The following SLC1A6 variants were observed in gnomAD, a reference collection of about 807,000 sequenced individuals.
The protein encoded by SLC1A6 is solute carrier family 1 member 6, also known as excitatory amino acid transporter 4.
Under a neutral mutation model 42.1 loss-of-function variants are expected in SLC1A6, and 15 were observed. The observed-to-expected ratio is 0.36, with a 90% CI of 0.24 to 0.55. SLC1A6 has a LOEUF of 0.55. Ranked by LOEUF, SLC1A6 falls within the 20% of genes least tolerant of loss-of-function variation. SLC1A6 has a pLI of 0.88. For synonymous variants in SLC1A6, 317 were observed against 319.7 expected, an observed-to-expected ratio of 0.99 and a Z score of 0.09; for missense variants, 542 against 772.5, an observed-to-expected ratio of 0.70 and a Z score of 3.54.
At chr19:14,999,089 A>G (rs2045861204) in intron 1 of SLC1A6, among the ~76,000 whole-genome samples, 1 of 151,990 alleles carries the variant, frequency 6.6e-6, no homozygotes, top group African/African-American at 2.4e-5. Context: ...CGTGTTAGCC[A>G]TGATGGTCTC....
rs577499432 is a variant in SLC1A6, at chr19:14,985,473, C to T, written c.7-12556G>A. ...TGTTTAAAAGAGCCTGACACCTCCT[C>T]CCTCTCTCTTTCTTGCTGTCTCTCA... On this transcript the variant is annotated intron_variant, in intron 1 of 8. Transcript: ENST00000430939. 2.0e-5 allele frequency among the ~76,000 whole-genome samples: 3 copies of T among 152,258 alleles called. No homozygotes were observed. The East Asian group carries it at 5.8e-4, about 29-fold the overall frequency.
At chr19:14,975,102 A>G (rs1441067436) in intron 1 of SLC1A6, 1 of 152,144 alleles carries the variant, frequency 6.6e-6, no homozygotes, top group Non-Finnish European at 1.5e-5. Context: ...AAAGAGATGA[A>G]AACATCAGGG....
At position 14,962,012 on chromosome 19, in the gene SLC1A6, TGCCCACCA is replaced by T; in HGVS notation, c.917_924del (p.Leu306HisfsTer134). On this transcript the variant is annotated frameshift_variant, in exon 6 of 10. Coordinates refer to ENST00000594383, the MANE Select transcript of SLC1A6 (RefSeq NM_005071.3). LOFTEE classifies it high-confidence loss of function. ...CAGACCAGGACTCACCAGATAATGA[TGCCCACCA>T]GCCTCATAATAGCCTCATTGAGGCT... 6.2e-7 allele frequency: 1 copy of T among 1,613,194 alleles called. No homozygotes were observed. The highest frequency in any genetic ancestry group is 8.5e-7 in the Non-Finnish European group (1 of 1,179,450).
intron 4 of SLC1A6, among the ~76,000 whole-genome samples, chr19:14,964,941 A>G (rs2045556665): frequency 6.6e-6 from 1 of 152,024 alleles, no homozygotes; most frequent in Non-Finnish European, 1.5e-5. Context: ...GTTGGCATTG[A>G]TGTGGGGGAA....
chr19:14,958,285 C>A (rs879327871), intron 6 of SLC1A6, among the ~76,000 whole-genome samples: 3 of 151,976 alleles, frequency 2.0e-5, no homozygotes, highest in Non-Finnish European at 4.4e-5. Context: ...GTAGTGCACA[C>A]CTGTAGTCCC....
chr19:14,968,284 G>A lies in SLC1A6; in HGVS notation c.548+19C>T, dbSNP rs1364275513. 6.3e-7 allele frequency: 1 copy of A among 1,587,344 alleles called. No individual in the cohort carries two copies. The highest frequency in any genetic ancestry group is 1.3e-5 in the African/African-American group (1 of 74,478). On this transcript the variant is annotated intron_variant, in intron 4 of 9. Coordinates refer to ENST00000594383, the MANE Select transcript of SLC1A6 (RefSeq NM_005071.3). ...TCCTTTTTCAAATGTGTATATTGTG[G>A]TTTTTTAGGTTGGCACACCTGATCA...
chr19:14,964,428 A>G, intron 4 of SLC1A6, 67 bp from the exon 5 acceptor site: 2 of 1,271,856 alleles, frequency 1.6e-6, no homozygotes. Context: ...TGATAACAGT[A>G]ATACTAACAC....
chr19:14,952,730 CCTACTT>C (rs2045424845), intron 9 of SLC1A6, among the ~76,000 whole-genome samples, 192 bp downstream of exon 9: 1 of 152,034 alleles, frequency 6.6e-6, no homozygotes, highest in Non-Finnish European at 1.5e-5. Context: ...TGTCTCCAAC[CCTACTT>C]CCCAAAGATA....
intron 9 of SLC1A6, 127 bp from the exon 10 acceptor site, chr19:14,950,517 C>T (rs1019873480): frequency 5.4e-6 from 3 of 554,584 alleles, no homozygotes; most frequent in African/African-American, 3.9e-5. Context: ...AATCCATGAC[C>T]ACATGTCCCC....
chr19:15,007,207 A>C (rs1255123005), intron 1 of SLC1A6, among the ~76,000 whole-genome samples: 1 of 152,216 alleles, frequency 6.6e-6, no homozygotes, highest in East Asian at 1.9e-4. Flanking sequence ...TTCAGCCATG[A>C]AAAGGACAGA....
chr19:14,952,273 CAAA>C (rs71168528), intron 9 of SLC1A6, among the ~76,000 whole-genome samples: 89 of 145,660 alleles, frequency 6.1e-4, no homozygotes, highest in Admixed American at 6.8e-4. Flanking sequence ...AACATAATCT[CAAA>C]AAAAAAAAAA....
Position 14,955,622 on chromosome 19 carries a change from C to T in SLC1A6, c.1169+854G>A, listed in dbSNP as rs541989692. Among the ~76,000 whole-genome samples, 8 of 141,998 alleles carry T rather than the reference C, an allele frequency of 5.6e-5. No homozygotes were observed. The South Asian group carries it at 8.7e-4, about 16-fold the overall frequency. 93.2% of individuals were successfully genotyped at this position (141,998 alleles called of 152,430 possible). A position where few individuals can be genotyped will look rare whatever the true frequency, so the allele number is the denominator to read the frequency against. ...TGATAGAGTGAGGCCTCATGTCAAA[C>T]GAAAAAGAAAAAGAAAAAAAAGATA... is the stretch of plus-strand genomic sequence containing the variant. On this transcript the variant is annotated intron_variant, in intron 7 of 9. Transcript: ENST00000594383.
rs532596985 is a variant in SLC1A6, at chr19:14,960,593, G to A, written c.935+1409C>T. ...TGAATAGTAACTAACCAATGCATAG[G>A]AGATGAATAAATCCCTGTCACTTGT... On this transcript the variant is annotated intron_variant, in intron 6 of 9. Transcript: ENST00000594383. 1.2e-4 allele frequency among the ~76,000 whole-genome samples: 19 copies of A among 152,340 alleles called. No individual in the cohort carries two copies. The South Asian group carries it at 1.9e-3, about 15-fold the overall frequency.
chr19:14,994,607 A>G (rs1032835133), intron 1 of SLC1A6, among the ~76,000 whole-genome samples: 8 of 152,192 alleles, frequency 5.3e-5, no homozygotes, highest in African/African-American at 1.9e-4. Flanking sequence ...TTTTGTGGCT[A>G]TCAATGGGCT....
chr19:14,978,111 T>C (rs1160170055), intron 1 of SLC1A6: 1 of 152,312 alleles, frequency 6.6e-6, no homozygotes, highest in Non-Finnish European at 1.5e-5. Context: ...GGCTTTCTTT[T>C]GGACCTACCT....
chr19:14,987,829 C>G (rs2045800387), intron 1 of SLC1A6, among the ~76,000 whole-genome samples: 1 of 152,150 alleles, frequency 6.6e-6, no homozygotes, highest in South Asian at 2.1e-4. Context: ...TCCAGCAGAG[C>G]CTGCCTTTTC....
intron 1 of SLC1A6, among the ~76,000 whole-genome samples, chr19:14,989,419 G>A (rs187155888): frequency 2.5e-4 from 38 of 151,838 alleles, no homozygotes; most frequent in African/African-American, 8.7e-4. Context: ...GCACCACCAC[G>A]CCTGGCTAAT....
chr19:14,955,071 T>C (rs1007464036), intron 7 of SLC1A6, among the ~76,000 whole-genome samples: 1 of 152,118 alleles, frequency 6.6e-6, no homozygotes, highest in East Asian at 1.9e-4. Context: ...GTCAAAGAAG[T>C]GGGCATCTCA....
upstream of SLC1A6, among the ~76,000 whole-genome samples, chr19:14,980,529 C>T (rs868527126): frequency 6.6e-6 from 1 of 152,004 alleles, no homozygotes; most frequent in South Asian, 2.1e-4. Flanking sequence ...CGGTGGCTCA[C>T]GCCTGTAATC....
Sources: allele counts gnomAD v4.1 joint callset (sites outside exome capture counted in the v4.1 genomes callset), GRCh38; gene constraint gnomAD v4.1.1; transcripts MANE v1.5; gene names NCBI Gene and HGNC (gene_info 2026-07-23, HGNC 2026-07-21).